GABRB1: variants seen among roughly 807,000 people sequenced by gnomAD.
The protein encoded by GABRB1 is gamma-aminobutyric acid receptor subunit beta-1.
Under a neutral mutation model 51.6 loss-of-function variants are expected in GABRB1, and 17 were observed. That is an observed-to-expected ratio of 0.33 (90% CI 0.23 to 0.49). The LOEUF (loss-of-function observed/expected upper bound fraction) is 0.49, where lower values mean the gene tolerates loss of function less well. Ranked by LOEUF, GABRB1 falls within the 20% of genes least tolerant of loss-of-function variation. The pLI, the probability that GABRB1 is intolerant of heterozygous loss-of-function variation, is 0.99. For missense variants in GABRB1, 410 were observed against 600.6 expected, an observed-to-expected ratio of 0.68 and a Z score of 3.32; for synonymous variants, 247 against 218.9, an observed-to-expected ratio of 1.13 and a Z score of -1.14.
At chr4:47,075,339 G>A (rs543366826) in intron 3 of GABRB1, among the ~76,000 whole-genome samples, 166 of 152,210 alleles carry the variant, frequency 1.1e-3, no homozygotes, top group Non-Finnish European at 1.8e-3. Flanking sequence ...GAGACATACC[G>A]GATGCCGTTA....
intron 3 of GABRB1, among the ~76,000 whole-genome samples, chr4:47,139,251 C>T (rs945173978): frequency 6.6e-6 from 1 of 152,010 alleles, no homozygotes. Context: ...TAAATAAACA[C>T]ACCATCTCTC....
intron 5 of GABRB1, among the ~76,000 whole-genome samples, chr4:47,329,423 G>A (rs970501146): frequency 8.7e-5 from 13 of 148,760 alleles, no homozygotes; most frequent in African/African-American, 2.9e-4. Context: ...GTAAAATACA[G>A]CCAATCAAGC....
chr4:47,126,033 C>CAT (rs994641495), intron 3 of GABRB1, among the ~76,000 whole-genome samples: 1 of 151,266 alleles, frequency 6.6e-6, no homozygotes, highest in African/African-American at 2.4e-5. Flanking sequence ...TATATACACA[C>CAT]ATATATATGT....
chr4:47,300,053 A>G (rs1308516104), intron 4 of GABRB1, among the ~76,000 whole-genome samples: 7 of 135,302 alleles, frequency 5.2e-5, no homozygotes, highest in African/African-American at 1.7e-4. Flanking sequence ...GAACACATGG[A>G]CACAGGAAGG....
chr4:47,216,126 G>A (rs1161890161), intron 4 of GABRB1, among the ~76,000 whole-genome samples: 2 of 151,936 alleles, frequency 1.3e-5, no homozygotes, highest in South Asian at 2.1e-4. Context: ...TTTAAGAAGA[G>A]AACTTACAAC....
At chr4:47,336,995 G>T (rs552005279) in intron 5 of GABRB1, among the ~76,000 whole-genome samples, 1 of 152,284 alleles carries the variant, frequency 6.6e-6, no homozygotes, top group South Asian at 2.1e-4. Flanking sequence ...GATTCACAAA[G>T]AACTAAGACA....
chr4:47,107,398 C>G (rs556398290), intron 3 of GABRB1, among the ~76,000 whole-genome samples: 1 of 152,104 alleles, frequency 6.6e-6, no homozygotes, highest in East Asian at 1.9e-4. Flanking sequence ...TTCCTCTGGA[C>G]AAATTCCAGT....
At chr4:47,162,885 A>G (rs993813292) in intron 4 of GABRB1, among the ~76,000 whole-genome samples, 1 of 152,038 alleles carries the variant, frequency 6.6e-6, no homozygotes, top group Non-Finnish European at 1.5e-5. Context: ...CCATTCATCT[A>G]TCATCTATGC....
At chr4:47,395,912 AT>A (rs199579438) in intron 5 of GABRB1, among the ~76,000 whole-genome samples, 1 of 151,980 alleles carries the variant, frequency 6.6e-6, no homozygotes, top group East Asian at 1.9e-4. Flanking sequence ...CTGAACTTTG[AT>A]TTTTTTAATT....
chr4:47,207,847 G>GCTATCTAGAAAAGCT, intron 4 of GABRB1, among the ~76,000 whole-genome samples: 1 of 152,086 alleles, frequency 6.6e-6, no homozygotes, highest in African/African-American at 2.4e-5. Context: ...GCATATATTT[G>GCTATCTAGAAAAGCT]ATCTAGAAAA....
At chr4:47,083,417 T>C (rs1345518189) in intron 3 of GABRB1, among the ~76,000 whole-genome samples, 1 of 152,212 alleles carries the variant, frequency 6.6e-6, no homozygotes, top group Admixed American at 6.5e-5. Context: ...TTTTCATTTA[T>C]GGCGACTTAC....
rs898731974 is a variant in GABRB1, at chr4:47,310,937, G to A, written c.462-9190G>A. Among the ~76,000 whole-genome samples the A allele has an allele frequency of 4.0e-5, 6 of 151,772 alleles. No homozygotes were observed. In the South Asian group the frequency reaches 1.2e-3, roughly 32 times the overall value. On this transcript the variant is annotated intron_variant, in intron 4 of 8. Coordinates refer to ENST00000295454, the MANE Select transcript of GABRB1 (RefSeq NM_000812.4). ...CCAACACTTTGGGAGGCTGAGGTGG[G>A]CGGATCACTTGAGACCAGGAGGCTG...
intron 4 of GABRB1, among the ~76,000 whole-genome samples, chr4:47,203,634 G>A (rs1719983407): frequency 6.6e-6 from 1 of 152,058 alleles, no homozygotes; most frequent in Middle Eastern, 3.2e-3. Context: ...TTTTAACACA[G>A]AGGTGTCCTG....
At chr4:47,158,552 C>A (rs747162763) in intron 3 of GABRB1, among the ~76,000 whole-genome samples, 2 of 152,064 alleles carry the variant, frequency 1.3e-5, no homozygotes, top group Non-Finnish European at 2.9e-5. Context: ...GTGTGGCACT[C>A]GTAAGAATCT....
chr4:47,412,335 G>T (rs1420895443), intron 8 of GABRB1, among the ~76,000 whole-genome samples: 1 of 152,018 alleles, frequency 6.6e-6, no homozygotes. Context: ...CTCCATTTTA[G>T]ATGTTTTTAG....
chr4:47,123,894 A>G (rs1476160291), intron 3 of GABRB1, among the ~76,000 whole-genome samples: 1 of 81,654 alleles, frequency 1.2e-5, no homozygotes, highest in Admixed American at 2.3e-4. Flanking sequence ...TATATATAAT[A>G]TATAATATAT....
At chr4:47,371,328 A>G (rs1442235954) in intron 5 of GABRB1, among the ~76,000 whole-genome samples, 2 of 152,132 alleles carry the variant, frequency 1.3e-5, no homozygotes, top group Admixed American at 6.5e-5. Flanking sequence ...TTCTTTACCC[A>G]GTCTATCACT....
intron 3 of GABRB1, among the ~76,000 whole-genome samples, chr4:47,040,644 G>C (rs1259551669): frequency 3.9e-5 from 6 of 152,106 alleles, no homozygotes; most frequent in Non-Finnish European, 7.4e-5. Flanking sequence ...AGGCACTTGG[G>C]GAAGAATTGA....
chr4:47,266,630 G>A (rs1722653562), intron 4 of GABRB1, among the ~76,000 whole-genome samples: 1 of 152,086 alleles, frequency 6.6e-6, no homozygotes, highest in African/African-American at 2.4e-5. Context: ...TTTCACTGTG[G>A]TCTGAAAAGA....
Sources: allele counts gnomAD v4.1 joint callset (sites outside exome capture counted in the v4.1 genomes callset), GRCh38; gene constraint gnomAD v4.1.1; transcripts MANE v1.5; gene names NCBI Gene and HGNC (gene_info 2026-07-23, HGNC 2026-07-21).